Variants in RBM38 observed in about 807,000 individuals in gnomAD.
The protein encoded by RBM38 is RNA binding motif protein 38, also known as RNA-binding protein 38.
RBM38 carries 11 observed loss-of-function variants against 23.5 expected under a neutral mutation model. The ratio of observed to expected loss-of-function variants is 0.47; its 90% CI spans 0.29 to 0.77. The LOEUF (loss-of-function observed/expected upper bound fraction) is 0.77, where lower values mean the gene tolerates loss of function less well. RBM38 is among the 30% of genes least tolerant of loss of function. The pLI is 0.08. For missense variants in RBM38, 330 were observed against 351.9 expected, an observed-to-expected ratio of 0.94 and a Z score of 0.50; for synonymous variants, 165 against 166.1, an observed-to-expected ratio of 0.99 and a Z score of 0.05.
In RBM38 at chr20:57,392,774, A is replaced by G. The variant is rs928694416; in HGVS notation, c.358A>G (p.Thr120Ala). ...GGGCGCCAAGCCGCGGAGCCTCCAG[A>G]CGGGTGAGAGCTTGTGTTTTCCTGC... ...YLGAKPRSLQ[T>A]GFAIGVQQLH... is the part of the protein sequence containing the mutation. Residue 120 changes from threonine to alanine, a missense_variant, in exon 2 of 4, where the codon ACG (threonine) becomes GCG (alanine). Physicochemically the swap from Thr to Ala is moderately conservative, Grantham distance 58. Coordinates refer to ENST00000356208, the MANE Select transcript of RBM38 (RefSeq NM_017495.6). 3 of 1,612,768 alleles carry G rather than the reference A, an allele frequency of 1.9e-6. No individual in the cohort carries two copies. The highest frequency in any genetic ancestry group is 1.7e-5 in the Admixed American group (1 of 59,906).
chr20:57,397,211 G>C (rs1431523960), intron 3 of RBM38, among the ~76,000 whole-genome samples: 1 of 152,254 alleles, frequency 6.6e-6, no homozygotes, highest in African/African-American at 2.4e-5. Context: ...GGAAGTCACG[G>C]TTTGTCAGTG....
intron 3 of RBM38, among the ~76,000 whole-genome samples, chr20:57,395,460 G>A (rs2067264248): frequency 6.6e-6 from 1 of 152,184 alleles, no homozygotes; most frequent in African/African-American, 2.4e-5. Context: ...TCAGGCGACG[G>A]TGTTTTGTAA....
chr20:57,399,604 G>A (rs1292144362), intron 3 of RBM38, among the ~76,000 whole-genome samples: 3 of 152,346 alleles, frequency 2.0e-5, no homozygotes, highest in South Asian at 2.1e-4. Context: ...AGTTTGGGCC[G>A]GTTCAGGTGG....
In RBM38 at chr20:57,392,985, A is replaced by G. The variant is rs947504858; in HGVS notation, c.361+208A>G. On this transcript the variant is annotated intron_variant, in intron 2 of 3. Coordinates refer to ENST00000356208, the MANE Select transcript of RBM38 (RefSeq NM_017495.6). The stretch of plus-strand genomic sequence containing the variant: ...TGGCCCAAAGAAGGGGGCGGGGGGC[A>G]GGGAGGGTACTGCACCCCAGTTGCC... The G allele has an allele frequency of 1.2e-5, 9 of 748,790 alleles. No individual in the cohort carries two copies. In the African/African-American group the frequency reaches 1.6e-4, roughly 13 times the overall value. 46.4% of individuals were successfully genotyped at this position (748,790 alleles called of 1,614,324 possible). A position where few individuals can be genotyped will look rare whatever the true frequency, so the allele number is the denominator to read the frequency against.
At chr20:57,399,637 T>C (rs2146210673) in intron 3 of RBM38, among the ~76,000 whole-genome samples, 1 of 152,298 alleles carries the variant, frequency 6.6e-6, no homozygotes, top group African/African-American at 2.4e-5. Context: ...GGGCCTGGCA[T>C]TGCCCCACAG....
intron 3 of RBM38, among the ~76,000 whole-genome samples, chr20:57,394,247 C>T (rs566018078): frequency 1.3e-5 from 2 of 151,716 alleles, no homozygotes; most frequent in African/African-American, 2.4e-5. Flanking sequence ...TTGAGAGAGA[C>T]ACAGCTTGAG....
chr20:57,392,274 C>T (rs944605451), intron 1 of RBM38: 8 of 493,660 alleles, frequency 1.6e-5, no homozygotes, highest in Non-Finnish European at 2.8e-5. Context: ...CACTTTCCTG[C>T]TTACCTTCCA....
At chr20:57,404,063 C>T (rs1333736160) in intron 3 of RBM38, among the ~76,000 whole-genome samples, 5 of 152,244 alleles carry the variant, frequency 3.3e-5, no homozygotes, top group South Asian at 2.1e-4. Flanking sequence ...TGCTCACCCA[C>T]GCTTGTGTTT....
At chr20:57,403,060 A>G (rs889835940) in intron 3 of RBM38, among the ~76,000 whole-genome samples, 3 of 151,732 alleles carry the variant, frequency 2.0e-5, no homozygotes, top group African/African-American at 7.3e-5. Flanking sequence ...CCTGGCCTCG[A>G]CCCCTAATGT....
intron 3 of RBM38, 146 bp downstream of exon 3, chr20:57,393,479 A>G: frequency 1.1e-6 from 1 of 921,470 alleles, no homozygotes; most frequent in African/African-American, 1.6e-5. Context: ...GAGAAGGCAG[A>G]TTGCACTTCT....
At chr20:57,396,999 G>C (rs1334716188) in intron 3 of RBM38, among the ~76,000 whole-genome samples, 1 of 152,234 alleles carries the variant, frequency 6.6e-6, no homozygotes, top group Non-Finnish European at 1.5e-5. Context: ...CACCACAGGG[G>C]CTCTGAGATG....
In RBM38 at chr20:57,391,579, C is replaced by G. The variant is rs2067214526; in HGVS notation, c.-3C>G. Reference sequence around the variant, plus strand: ...CGGGTCCGTAGGCGGCGGGGCGCCCCCCATGCTGCTGCAGCCCGCGCCGTG... The same window carrying G: ...CGGGTCCGTAGGCGGCGGGGCGCCCGCCATGCTGCTGCAGCCCGCGCCGTG... On this transcript the variant is annotated 5_prime_UTR_variant, in exon 1 of 4. Transcript: ENST00000356208. 1 of 1,198,286 alleles carries G rather than the reference C, an allele frequency of 8.3e-7. No individual in the cohort carries two copies. 74.2% of individuals were successfully genotyped at this position (1,198,286 alleles called of 1,614,324 possible).
In RBM38 at chr20:57,407,536, C is replaced by T; in HGVS notation, c.417-7C>T. 3 of 1,612,486 alleles carry T rather than the reference C, an allele frequency of 1.9e-6. No individual in the cohort carries two copies. Among genetic ancestry groups the T allele is most frequent in the Non-Finnish European group, 2.5e-6 (3 of 1,178,904 alleles). ...CTGGCCCTAACCTGCTCTGCTTGGC[C>T]CCACAGGCTGACCCCGCACTACATC... is the stretch of plus-strand genomic sequence containing the variant. On this transcript the variant is annotated splice_region_variant and splice_polypyrimidine_tract_variant and intron_variant, in intron 3 of 3. Coordinates refer to ENST00000356208, the MANE Select transcript of RBM38 (RefSeq NM_017495.6). The surrounding 1 kb of genome is among the most constrained non-coding windows in gnomAD (Gnocchi z 4.0).
intron 1 of RBM38, chr20:57,392,170 G>A (rs1342176403): frequency 3.4e-6 from 1 of 297,310 alleles, no homozygotes; most frequent in Non-Finnish European, 6.6e-6. Context: ...GCTCCACCCC[G>A]GGGTGTTAGG....
chr20:57,403,022 C>G (rs2067344905), intron 3 of RBM38, among the ~76,000 whole-genome samples: 1 of 152,232 alleles, frequency 6.6e-6, no homozygotes, highest in Non-Finnish European at 1.5e-5. Context: ...TGGGGGCACC[C>G]TGAGCATTGT....
At chr20:57,391,943 C>A in intron 1 of RBM38, 125 bp downstream of exon 1, 3 of 570,738 alleles carry the variant, frequency 5.3e-6, no homozygotes, top group South Asian at 8.3e-5. Flanking sequence ...CGCCTCCAGC[C>A]GGCGCCCGCA....
chr20:57,394,875 G>C (rs1683471210), intron 3 of RBM38, among the ~76,000 whole-genome samples: 1 of 152,172 alleles, frequency 6.6e-6, no homozygotes, highest in Admixed American at 6.5e-5. Context: ...GCTCTTTTCT[G>C]CTTACAGTGG....
chr20:57,393,519 G>T (rs555726646), intron 3 of RBM38, among the ~76,000 whole-genome samples, 186 bp downstream of exon 3: 1 of 152,320 alleles, frequency 6.6e-6, no homozygotes, highest in East Asian at 1.9e-4. Context: ...TACCACCTAG[G>T]GGATGGTGAG....
chr20:57,404,127 G>A (rs1238709463), intron 3 of RBM38, among the ~76,000 whole-genome samples: 3 of 152,198 alleles, frequency 2.0e-5, no homozygotes, highest in Non-Finnish European at 2.9e-5. Context: ...CTCTGGCCCC[G>A]ATGATGTGGG....
Sources: gnomAD v4.1 joint callset for allele counts (sites outside exome capture counted in the v4.1 genomes callset) on GRCh38, gnomAD v4.1.1 for gene constraint, Gnocchi (gnomAD v3.1) non-coding constraint, MANE v1.5 for transcripts, NCBI Gene and HGNC (gene_info 2026-07-23, HGNC 2026-07-21) for gene names.